MGAM2: variants seen among roughly 807,000 people sequenced by gnomAD.
MGAM2 encodes the protein maltase-glucoamylase 2 (putative), also known as probable maltase-glucoamylase 2.
In MGAM2, 98 loss-of-function variants were observed where a neutral mutation model predicts 96.1. The observed-to-expected ratio is 1.02, with a 90% confidence interval of 0.87 to 1.21. MGAM2 has a LOEUF of 1.21. Among genes scored for constraint, MGAM2 ranks in the 50% most tolerant of loss-of-function variants. The pLI, the probability that MGAM2 is intolerant of heterozygous loss-of-function variation, is 0.00. For missense variants in MGAM2, 2,055 were observed against 1,182.4 expected, an observed-to-expected ratio of 1.74 and a Z score of -10.82; for synonymous variants, 749 against 414.8, an observed-to-expected ratio of 1.81 and a Z score of -9.79.
intron 32 of MGAM2, among the ~76,000 whole-genome samples, chr7:142,178,975 T>C (rs919135812): frequency 3.9e-5 from 6 of 152,108 alleles, no homozygotes; most frequent in Admixed American, 1.3e-4. Context: ...GTAAAGTTCT[T>C]TCACCTGCTT....
At position 142,132,660 on chromosome 7, in the gene MGAM2, TATA is replaced by T. The variant is rs998367358; in HGVS notation, c.575+580_575+582del. Among the ~76,000 whole-genome samples, 198 of 127,176 alleles carry T rather than the reference TATA, an allele frequency of 1.6e-3. 2 individuals are homozygous for T. Among genetic ancestry groups the T allele is most frequent in the African/African-American group, 5.7e-3 (183 of 32,084 alleles). 83.4% of individuals were successfully genotyped at this position (127,176 alleles called of 152,430 possible). ...ATGAAGAATATAGTTATAATTAAAATATAATAAATATATTAATTATAATATAAT... is the reference window on the plus strand; with the variant it reads ...ATGAAGAATATAGTTATAATTAAAATATAAATATATTAATTATAATATAAT... On this transcript the variant is annotated intron_variant, in intron 6 of 47. Coordinates refer to ENST00000477922, the MANE Select transcript of MGAM2 (RefSeq NM_001293626.2).
intron 1 of MGAM2, among the ~76,000 whole-genome samples, chr7:142,115,130 T>C (rs1224277512): frequency 6.6e-6 from 1 of 152,128 alleles, no homozygotes; most frequent in Non-Finnish European, 1.5e-5. Flanking sequence ...GGCAGGATAA[T>C]CCCTTGAACC....
intron 47 of MGAM2, among the ~76,000 whole-genome samples, chr7:142,219,010 C>T (rs1210533477): frequency 2.0e-5 from 3 of 152,134 alleles, no homozygotes; most frequent in South Asian, 2.1e-4. Flanking sequence ...CGAATGAATA[C>T]ATCCCACCTG....
rs901760033 is a variant in MGAM2 at position 142,199,794 on chromosome 7, A to G, written c.5049-86A>G. 63 of 512,368 alleles carry G rather than the reference A, an allele frequency of 1.2e-4. 1 individual carries two copies. The highest frequency in any genetic ancestry group is 2.1e-4 in the Non-Finnish European group (60 of 289,816). 31.7% of individuals were successfully genotyped at this position (512,368 alleles called of 1,614,324 possible). A position where few individuals can be genotyped will look rare whatever the true frequency, so the allele number is the denominator to read the frequency against. On this transcript the variant is annotated intron_variant, in intron 44 of 47. Transcript: ENST00000477922. ...TTTAATACATTTCTTTTATTTCTAG[A>G]TAAGTAATGTTTTTAACACAGTCTG...
At chr7:142,117,946 GT>G (rs1307964757) in intron 2 of MGAM2, among the ~76,000 whole-genome samples, 6 of 143,368 alleles carry the variant, frequency 4.2e-5, no homozygotes, top group Admixed American at 7.0e-5. Context: ...TTTTTCTTCT[GT>G]TTTTTTTTTG....
chr7:142,194,445 C>A (rs1796964517), intron 37 of MGAM2, among the ~76,000 whole-genome samples: 1 of 152,164 alleles, frequency 6.6e-6, no homozygotes, highest in African/African-American at 2.4e-5. Context: ...TTGCATCAGT[C>A]ACTACTCTAT....
rs1186189832 is a variant in MGAM2, at chr7:142,208,876, T to G, written c.5187+254T>G. 2.0e-5 allele frequency among the ~76,000 whole-genome samples: 3 copies of G among 152,324 alleles called. No homozygotes were observed. In the East Asian group the frequency reaches 5.8e-4, roughly 29 times the overall value. On this transcript the variant is annotated intron_variant, in intron 46 of 47. Coordinates refer to ENST00000477922, the MANE Select transcript of MGAM2 (RefSeq NM_001293626.2). The stretch of plus-strand genomic sequence containing the variant: ...TGGGGAAAAAATGGGGCCTTAAATG[T>G]GTAACATGTTTTCCAAAGATGAGAA...
rs1795795457 is a variant in MGAM2 at position 142,158,277 on chromosome 7, T to C, written c.2108T>C (p.Val703Ala). ...TACCAGGACTCAGCCACGTGGGATG[T>C]GCATGAGCAGTTCTTATGGGGACCT... ...EFYQDSATWD[V>A]HEQFLWGPGL... The change falls in exon 19 of 48, where the codon GTG (valine) becomes GCG (alanine). Residue 703 changes from valine to alanine, a missense_variant. By Grantham distance (64) the Val-to-Ala change is moderately conservative (BLOSUM62 0). Transcript: ENST00000477922. 1 of 702,892 alleles carries C rather than the reference T, an allele frequency of 1.4e-6. No homozygotes were observed. The highest frequency in any genetic ancestry group is 1.7e-5 in the African/African-American group (1 of 57,246). The allele number at this position is 702,892 out of a possible 1,614,324, so 43.5% of individuals were successfully genotyped here.
intron 3 of MGAM2, among the ~76,000 whole-genome samples, chr7:142,121,851 A>AT (rs1794583477): frequency 2.0e-5 from 3 of 151,894 alleles, no homozygotes; most frequent in African/African-American, 7.2e-5. Context: ...ATATTATCTT[A>AT]TACATTCATA....
At chr7:142,196,127 C>A (rs563833938) in intron 37 of MGAM2, 27 bp from the exon 38 acceptor site, 11 of 900,174 alleles carry the variant, frequency 1.2e-5, no homozygotes, top group Non-Finnish European at 1.8e-5. Flanking sequence ...GTTTCTTCAA[C>A]TCACCTCTTT....
chr7:142,164,856 A>C lies in MGAM2; in HGVS notation c.2485A>C (p.Asn829His). 1.4e-6 allele frequency: 1 copy of C among 694,120 alleles called. No individual in the cohort carries two copies. Among genetic ancestry groups the C allele is most frequent in the East Asian group, 2.7e-5 (1 of 36,962 alleles). 43.0% of individuals were successfully genotyped at this position (694,120 alleles called of 1,614,324 possible). A position where few individuals can be genotyped will look rare whatever the true frequency, so the allele number is the denominator to read the frequency against. Residue 829 changes from asparagine (N) to histidine (H), a missense_variant and splice_region_variant, in exon 24 of 48, where the codon AAC (asparagine) becomes CAC (histidine). By Grantham distance (68) the Asn-to-His change is moderately conservative (BLOSUM62 1). Coordinates refer to ENST00000477922, the MANE Select transcript of MGAM2 (RefSeq NM_001293626.2). The part of the protein sequence containing the change: ...YILYDFSVTS[N>H]HLQAKIINNN... ...ATCTGACTTTTTTTTCCCCTCCCAGAACCATCTACAAGCAAAGATTATAAA... is the reference window on the plus strand; with the variant it reads ...ATCTGACTTTTTTTTCCCCTCCCAGCACCATCTACAAGCAAAGATTATAAA...
chr7:142,120,963 A>T lies in MGAM2; in HGVS notation c.186+582A>T, dbSNP rs79365196. On this transcript the variant is annotated intron_variant, in intron 3 of 47. Transcript: ENST00000477922. ...GAACCCTGATTAGTTGTGACTTAGG[A>T]CTTTTTCATAAAGGTTGTATGTATT... Among the ~76,000 whole-genome samples, 178 of 152,232 alleles carry T rather than the reference A, an allele frequency of 1.2e-3. No homozygotes were observed. In the East Asian group the frequency reaches 0.033, roughly 28 times the overall value.
rs759168303 is a variant in MGAM2 at position 142,218,538 on chromosome 7, C to G, written c.5358+7C>G. On this transcript the variant is annotated splice_region_variant and intron_variant, in intron 47 of 47. Transcript: ENST00000477922. ...GAGTGAACCTTATAATCAGGTAGGT[C>G]TGAAAGGAATATTAGCATATCACAA... 6.0e-6 allele frequency: 4 copies of G among 667,022 alleles called. No homozygotes were observed. The highest frequency in any genetic ancestry group is 1.1e-5 in the Non-Finnish European group (4 of 367,354). The allele number at this position is 667,022 out of a possible 1,614,324, so 41.3% of individuals were successfully genotyped here.
chr7:142,122,428 A>C (rs1009405296), intron 3 of MGAM2, among the ~76,000 whole-genome samples: 1 of 152,250 alleles, frequency 6.6e-6, no homozygotes, highest in Non-Finnish European at 1.5e-5. Context: ...ATGGCAAATG[A>C]CTACACATGT....
chr7:142,212,314 G>A (rs1465265266), intron 46 of MGAM2, among the ~76,000 whole-genome samples: 2 of 152,182 alleles, frequency 1.3e-5, no homozygotes, highest in Non-Finnish European at 2.9e-5. Context: ...AAAATAACCA[G>A]CTAGCATCAT....
chr7:142,136,867 T>C (rs966583396), intron 8 of MGAM2, among the ~76,000 whole-genome samples: 2 of 152,172 alleles, frequency 1.3e-5, no homozygotes, highest in Non-Finnish European at 1.5e-5. Flanking sequence ...TTTGGTATAA[T>C]GTTTCCCCTC....
chr7:142,130,748 C>G (rs896215629), intron 3 of MGAM2, among the ~76,000 whole-genome samples, 200 bp from the exon 4 acceptor site: 1 of 152,192 alleles, frequency 6.6e-6, no homozygotes. Flanking sequence ...TCTGTATTAT[C>G]AGTTCCATGT....
intron 26 of MGAM2, among the ~76,000 whole-genome samples, chr7:142,167,961 C>A (rs1329945996): frequency 6.6e-6 from 1 of 152,112 alleles, no homozygotes; most frequent in East Asian, 1.9e-4. Flanking sequence ...ACGGTAAAGC[C>A]AGGATGTGGC....
At chr7:142,171,499 C>T in intron 28 of MGAM2, 59 bp downstream of exon 28, 1 of 678,768 alleles carries the variant, frequency 1.5e-6, no homozygotes, top group Non-Finnish European at 2.7e-6. Context: ...CTCTTTTAAT[C>T]CTTATGCTTA....
Sources: gnomAD v4.1 joint callset for allele counts (sites outside exome capture counted in the v4.1 genomes callset) on GRCh38, gnomAD v4.1.1 for gene constraint, MANE v1.5 for transcripts, NCBI Gene and HGNC (gene_info 2026-07-23, HGNC 2026-07-21) for gene names.